PM20D1: variants seen among roughly 807,000 people sequenced by gnomAD.
PM20D1 encodes N-fatty-acyl-amino acid synthase/hydrolase PM20D1.
Under a neutral mutation model 53.8 loss-of-function variants are expected in PM20D1, and 53 were observed. The observed-to-expected ratio is 0.98, with a 90% CI of 0.79 to 1.24. The LOEUF is 1.24. Among genes scored for constraint, PM20D1 ranks in the 50% most tolerant of loss-of-function variants. The pLI is 0.00. For missense variants in PM20D1, 564 were observed against 616.8 expected, an observed-to-expected ratio of 0.91 and a Z score of 0.91; for synonymous variants, 239 against 241.3, an observed-to-expected ratio of 0.99 and a Z score of 0.09.
intron 10 of PM20D1, among the ~76,000 whole-genome samples, chr1:205,836,490 A>G (rs947771062): frequency 1.2e-4 from 19 of 152,114 alleles, no homozygotes; most frequent in Non-Finnish European, 2.9e-5. Context: ...TAACTCAGAT[A>G]TGGTGTCCCG....
At position 205,832,621 on chromosome 1, in the gene PM20D1, G is replaced by T. The variant is rs142013357; in HGVS notation, c.1262C>A (p.Pro421Gln). ...LLRQTVQSVF[P>Q]EVNITAPVTS... Reference sequence around the variant, plus strand: ...ACCTGGGGCAGTAATATTGACTTCCGGGAAGACGGACTGTACGGTCTGGCG... The same window carrying T: ...ACCTGGGGCAGTAATATTGACTTCCTGGAAGACGGACTGTACGGTCTGGCG... Residue 421 changes from proline to glutamine, a missense_variant, in exon 11 of 13, where the codon CCG becomes CAG. By Grantham distance (76) the Pro-to-Gln change is moderately conservative. Transcript: ENST00000367136. 12 of 1,614,096 alleles carry T rather than the reference G, an allele frequency of 7.4e-6. No homozygotes were observed. The highest frequency in any genetic ancestry group is 6.6e-5 in the South Asian group (6 of 91,062).
intron 8 of PM20D1, 128 bp downstream of exon 8, chr1:205,842,026 A>G (rs1656821859): frequency 2.5e-6 from 3 of 1,191,994 alleles, no homozygotes; most frequent in Non-Finnish European, 3.7e-6. Flanking sequence ...TTAAATATAC[A>G]CACTTAGAGA....
chr1:205,841,674 G>C, intron 9 of PM20D1, 137 bp downstream of exon 9: 1 of 849,226 alleles, frequency 1.2e-6, no homozygotes, highest in Non-Finnish European at 1.9e-6. Flanking sequence ...TTTCAGAAAG[G>C]CCTATGTCTT....
chr1:205,847,587 G>C (rs1453965586), intron 2 of PM20D1, among the ~76,000 whole-genome samples: 4 of 149,908 alleles, frequency 2.7e-5, no homozygotes, highest in African/African-American at 9.9e-5. Context: ...AGTTGCACAA[G>C]TAGAAGGAAA....
chr1:205,842,263 T>C, intron 7 of PM20D1, 48 bp from the exon 8 acceptor site: 1 of 1,539,734 alleles, frequency 6.5e-7, no homozygotes, highest in South Asian at 1.1e-5. Flanking sequence ...TAGTTTAGCC[T>C]GGGTCTCTGA....
rs117430041 is a variant in PM20D1, at chr1:205,833,342, C to T, written c.1117-576G>A. 3.8e-4 allele frequency among the ~76,000 whole-genome samples: 58 copies of T among 152,280 alleles called. 1 individual carries two copies. The East Asian group carries it at 6.9e-3, about 18-fold the overall frequency. On this transcript the variant is annotated intron_variant, in intron 10 of 12. Coordinates refer to ENST00000367136, the MANE Select transcript of PM20D1 (RefSeq NM_152491.5). ...AGACACAGCAGAATGTCAATCATCTCGAGGCTGGGGAATAGATGTGATGAC... is the reference window on the plus strand; with the variant it reads ...AGACACAGCAGAATGTCAATCATCTTGAGGCTGGGGAATAGATGTGATGAC...
At position 205,844,234 on chromosome 1, in the gene PM20D1, T is replaced by C. The variant is rs1447826366; in HGVS notation, c.577-17A>G. The C allele has an allele frequency of 1.9e-6, 3 of 1,595,788 alleles. No homozygotes were observed. Among genetic ancestry groups the C allele is most frequent in the Non-Finnish European group, 2.6e-6 (3 of 1,169,452 alleles). ...CCCTGATGACTGCAGACATGGAACA[T>C]AGAGCTATAGTCCTTCTCAGCCAGA... On this transcript the variant is annotated splice_polypyrimidine_tract_variant and intron_variant, in intron 4 of 12. Transcript: ENST00000367136.
Position 205,830,304 on chromosome 1 carries a change from T to G in PM20D1, c.1361A>C (p.Tyr454Ser), listed in dbSNP as rs1417425307. Residue 454 changes from tyrosine (Y) to serine (S), a missense_variant, in exon 12 of 13, where the codon TAC becomes TCC. Tyr to Ser is a moderately radical substitution (Grantham distance 144). Coordinates refer to ENST00000367136, the MANE Select transcript of PM20D1 (RefSeq NM_152491.5). ...CCGTTTGAAGTCTTCAGGCTGTATG[T>G]AGATGGGGTAGAACCTGTAGATGCC... is the stretch of plus-strand genomic sequence containing the variant. The part of the protein sequence containing the change: ...TTGIYRFYPI[Y>S]IQPEDFKRIH... 1 of 1,610,260 alleles carries G rather than the reference T, an allele frequency of 6.2e-7. No individual in the cohort carries two copies. Among genetic ancestry groups the G allele is most frequent in the Non-Finnish European group, 8.5e-7 (1 of 1,176,608 alleles).
chr1:205,842,506 C>T (rs1202130299), intron 7 of PM20D1, among the ~76,000 whole-genome samples, 170 bp downstream of exon 7: 1 of 152,178 alleles, frequency 6.6e-6, no homozygotes, highest in Non-Finnish European at 1.5e-5. Context: ...CACTAACAGC[C>T]GTAGAGAACA....
chr1:205,836,800 G>A (rs1463301640), intron 10 of PM20D1, among the ~76,000 whole-genome samples: 7 of 152,086 alleles, frequency 4.6e-5, no homozygotes, highest in African/African-American at 1.4e-4. Context: ...ACTATGCCTG[G>A]CCCTGCCTCT....
rs768129629 is a variant in PM20D1 at position 205,844,044 on chromosome 1, G to A, written c.707+43C>T. ...CCAGGCTGGGGTCATCTCAAATGGG[G>A]TGAGAATTCCCTCCAAGGTGTGGGG... is the stretch of plus-strand genomic sequence containing the variant. On this transcript the variant is annotated intron_variant, in intron 5 of 12. Transcript: ENST00000367136. 44 of 1,576,528 alleles carry A rather than the reference G, an allele frequency of 2.8e-5. 1 individual carries two copies. In the East Asian group the frequency reaches 7.2e-4, roughly 26 times the overall value.
chr1:205,833,142 G>C (rs1363732463), intron 10 of PM20D1, among the ~76,000 whole-genome samples: 1 of 152,208 alleles, frequency 6.6e-6, no homozygotes, highest in Non-Finnish European at 1.5e-5. Context: ...GGGCTCTCTT[G>C]AAAGCCTATA....
rs758143959 is a variant in PM20D1, at chr1:205,849,947, C to T, written c.126G>A (p.Gln42=). Residue 42 remains glutamine (Q), a synonymous_variant, in exon 1 of 13, where the codon CAG becomes CAA. Coordinates refer to ENST00000367136, the MANE Select transcript of PM20D1 (RefSeq NM_152491.5). ...TCGCGACGCGTTCCTCTTTGCTGAACTGAGAAGGGATTCGCGACGCCCTTT... is the reference window on the plus strand; with the variant it reads ...TCGCGACGCGTTCCTCTTTGCTGAATTGAGAAGGGATTCGCGACGCCCTTT... ...EHQRASRIPS[Q]FSKEERVAMK... is the part of the protein sequence containing the mutation. The T allele has an allele frequency of 6.2e-7, 1 of 1,614,094 alleles. No individual in the cohort carries two copies. The highest frequency in any genetic ancestry group is 8.5e-7 in the Non-Finnish European group (1 of 1,179,980).
chr1:205,831,474 T>C (rs1247333772), intron 11 of PM20D1, among the ~76,000 whole-genome samples: 1 of 152,108 alleles, frequency 6.6e-6, no homozygotes, highest in Non-Finnish European at 1.5e-5. Context: ...GAATCTCTGA[T>C]TAAACCAAGA....
chr1:205,844,359 G>A, intron 4 of PM20D1, 142 bp from the exon 5 acceptor site: 1 of 1,002,684 alleles, frequency 1.0e-6, no homozygotes. Flanking sequence ...GGGCCCTAGA[G>A]AATCCTGCCT....
Position 205,849,845 on chromosome 1 carries a change from A to G in PM20D1, c.169+59T>C, listed in dbSNP as rs1401660715. 1.2e-5 allele frequency: 18 copies of G among 1,536,144 alleles called. No individual in the cohort carries two copies. The East Asian group carries it at 3.8e-4, about 33-fold the overall frequency. ...GGCGGAAGCGGGGAGTCACGGGTTG[A>G]CCTGGGGAGGGAGGGACCCACATAT... On this transcript the variant is annotated intron_variant, in intron 1 of 12. Transcript: ENST00000367136.
rs1558094096 is a variant in PM20D1, at chr1:205,844,204, C to T, written c.590G>A (p.Gly197Glu). The change falls in exon 5 of 13, where the codon GGG becomes GAG. Residue 197 changes from glycine (G) to glutamate (E), a missense_variant. Transcript: ENST00000367136. ...LGHDEESSGTGAQRISALLQS... is the reference protein window; with the variant it reads ...LGHDEESSGTEAQRISALLQS... ...TAGCAGGGCTGAGATCCTCTGAGCC[C>T]CTGTCCCTGATGACTGCAGACATGG... 1 of 1,611,392 alleles carries T rather than the reference C, an allele frequency of 6.2e-7. No homozygotes were observed. Among genetic ancestry groups the T allele is most frequent in the East Asian group, 2.2e-5 (1 of 44,842 alleles).
chr1:205,845,474 C>T lies in PM20D1; in HGVS notation c.340G>A (p.Asp114Asn). 1 of 1,614,194 alleles carries T rather than the reference C, an allele frequency of 6.2e-7. No individual in the cohort carries two copies. The highest frequency in any genetic ancestry group is 8.5e-7 in the Non-Finnish European group (1 of 1,180,026). The change falls in exon 3 of 13, where the codon GAC (aspartate) becomes AAC (asparagine). Residue 114 changes from aspartate (D) to asparagine (N), a missense_variant. Coordinates refer to ENST00000367136, the MANE Select transcript of PM20D1 (RefSeq NM_152491.5). Reference sequence around the variant, plus strand: ...AGCAGGTAGGGCTGCAAGCTGGGGTCCGAGCCTTGGATAGTGAACAGGTGG... The same window carrying T: ...AGCAGGTAGGGCTGCAAGCTGGGGTTCGAGCCTTGGATAGTGAACAGGTGG... ...YSHLFTIQGS[D>N]PSLQPYLLMA...
chr1:205,846,910 T>G (rs1252182632), intron 2 of PM20D1, among the ~76,000 whole-genome samples: 1 of 152,036 alleles, frequency 6.6e-6, no homozygotes, highest in Non-Finnish European at 1.5e-5. Flanking sequence ...TGTCTCCTAT[T>G]TAGTAAAGAC....
Sources: allele counts gnomAD v4.1 joint callset (sites outside exome capture counted in the v4.1 genomes callset), GRCh38; gene constraint gnomAD v4.1.1; transcripts MANE v1.5; gene names NCBI Gene and HGNC (gene_info 2026-07-23, HGNC 2026-07-21).